Variants in KCTD16 observed in about 807,000 individuals in gnomAD.
KCTD16 encodes the protein potassium channel tetramerization domain containing 16, also known as BTB/POZ domain-containing protein KCTD16.
Under a neutral mutation model 33.2 loss-of-function variants are expected in KCTD16, and 13 were observed. The ratio of observed to expected loss-of-function variants is 0.39; its 90% CI spans 0.25 to 0.62. KCTD16 has a LOEUF of 0.62. KCTD16 is among the 20% of genes least tolerant of loss of function. The pLI is 0.50. For missense variants in KCTD16, 441 were observed against 525.1 expected, an observed-to-expected ratio of 0.84 and a Z score of 1.57; for synonymous variants, 197 against 195.3, an observed-to-expected ratio of 1.01 and a Z score of -0.07.
At chr5:144,286,233 C>T (rs1755742075) in intron 3 of KCTD16, among the ~76,000 whole-genome samples, 1 of 151,994 alleles carries the variant, frequency 6.6e-6, no homozygotes, top group Non-Finnish European at 1.5e-5. Context: ...TATCTTGTCA[C>T]CTTCTAAAAA....
At chr5:144,185,390 C>T (rs1461548075) in intron 2 of KCTD16, among the ~76,000 whole-genome samples, 2 of 152,166 alleles carry the variant, frequency 1.3e-5, no homozygotes, top group Non-Finnish European at 2.9e-5. Flanking sequence ...GATGCCAAGT[C>T]TAGGGTACAG....
chr5:144,171,851 C>G (rs896000510), intron 1 of KCTD16, among the ~76,000 whole-genome samples: 13 of 152,142 alleles, frequency 8.5e-5, no homozygotes, highest in African/African-American at 2.4e-4. Flanking sequence ...AAATTGTTTT[C>G]TTTTGAAAAT....
chr5:144,466,286 C>G (rs939538365), intron 3 of KCTD16, among the ~76,000 whole-genome samples: 5 of 145,978 alleles, frequency 3.4e-5, no homozygotes, highest in African/African-American at 1.3e-4. Flanking sequence ...ACTTCACACA[C>G]TGGTGATTGC....
chr5:144,429,475 A>G (rs73296076), intron 3 of KCTD16, among the ~76,000 whole-genome samples: 8,112 of 152,016 alleles, frequency 0.053, 749 homozygotes, highest in African/African-American at 0.18. Context: ...AAGATATAGA[A>G]TTTTCTCTGA....
In KCTD16 at chr5:144,262,336, C is replaced by G. The variant is rs1755035745; in HGVS notation, c.832+54790C>G. On this transcript the variant is annotated intron_variant, in intron 3 of 3. Transcript: ENST00000512467. ...AGGGCAAGGATAGCAGGAGATGAGG[C>G]TGCAGAGGAAGGACAAAACTTGTGG... 2.0e-5 allele frequency among the ~76,000 whole-genome samples: 3 copies of G among 152,294 alleles called. No homozygotes were observed. The South Asian group carries it at 6.2e-4, about 32-fold the overall frequency.
rs184101182 is a variant in KCTD16, at chr5:144,340,592, T to C, written c.832+133046T>C. ...GTTGAAGTCTTAACCCCTAATATGATAGTATTAGGAGGTAGGGTCTTTGGG... is the reference window on the plus strand; with the variant it reads ...GTTGAAGTCTTAACCCCTAATATGACAGTATTAGGAGGTAGGGTCTTTGGG... On this transcript the variant is annotated intron_variant, in intron 3 of 3. Transcript: ENST00000512467. Among the ~76,000 whole-genome samples the C allele has an allele frequency of 9.2e-5, 14 of 152,038 alleles. No individual in the cohort carries two copies. In the East Asian group the frequency reaches 2.7e-3, roughly 29 times the overall value.
chr5:144,190,255 C>A (rs911266695), intron 2 of KCTD16, among the ~76,000 whole-genome samples: 5 of 152,154 alleles, frequency 3.3e-5, no homozygotes, highest in Non-Finnish European at 7.3e-5. Flanking sequence ...TATCTCTGTA[C>A]CTCAACCCAG....
chr5:144,293,705 A>C (rs949165166), intron 3 of KCTD16, among the ~76,000 whole-genome samples: 3 of 152,228 alleles, frequency 2.0e-5, no homozygotes. Context: ...AACTAACCAC[A>C]AAAGCATAGT....
intron 3 of KCTD16, among the ~76,000 whole-genome samples, chr5:144,333,276 T>C (rs1463585528): frequency 6.6e-6 from 1 of 152,186 alleles, no homozygotes; most frequent in African/African-American, 2.4e-5. Context: ...TATAGCATTG[T>C]AATCACTGAA....
chr5:144,418,782 ACTGT>A (rs1182778061), intron 3 of KCTD16, among the ~76,000 whole-genome samples: 39 of 152,186 alleles, frequency 2.6e-4, no homozygotes, highest in African/African-American at 7.7e-4. Flanking sequence ...TTTCTAATAG[ACTGT>A]CTATGTGCCA....
intron 3 of KCTD16, among the ~76,000 whole-genome samples, chr5:144,397,366 T>C (rs1752596696): frequency 6.6e-6 from 1 of 152,112 alleles, no homozygotes; most frequent in Non-Finnish European, 1.5e-5. Flanking sequence ...CTATTGTGAG[T>C]AGTGCCGCAA....
At chr5:144,313,921 T>C (rs146366781) in intron 3 of KCTD16, among the ~76,000 whole-genome samples, 1 of 152,204 alleles carries the variant, frequency 6.6e-6, no homozygotes, top group South Asian at 2.1e-4. Flanking sequence ...CTGGATTTAG[T>C]ATATATTATC....
chr5:144,312,996 C>T (rs1234855087), intron 3 of KCTD16, among the ~76,000 whole-genome samples: 2 of 151,916 alleles, frequency 1.3e-5, no homozygotes, highest in Admixed American at 6.6e-5. Flanking sequence ...AGGTAGGAAA[C>T]GAAGAGTGGT....
At chr5:144,367,703 T>C (rs527666779) in intron 3 of KCTD16, among the ~76,000 whole-genome samples, 1 of 151,776 alleles carries the variant, frequency 6.6e-6, no homozygotes, top group East Asian at 1.9e-4. Context: ...TTTTTTTTCT[T>C]TTTCAACTTT....
At position 144,477,475 on chromosome 5, in the gene KCTD16, T is replaced by C. The variant is rs1171289829; in HGVS notation, c.*3361T>C. The C allele has an allele frequency of 6.6e-6, 1 of 152,138 alleles. No individual in the cohort carries two copies. Among genetic ancestry groups the C allele is most frequent in the Non-Finnish European group, 1.5e-5 (1 of 67,998 alleles). 9.4% of individuals were successfully genotyped at this position (152,138 alleles called of 1,614,324 possible). A position where few individuals can be genotyped will look rare whatever the true frequency, so the allele number is the denominator to read the frequency against. ...ACACATTTATTAAGGGATGTTGACATGGAATTTTTCTCTTTTCAATTAGCC... is the reference window on the plus strand; with the variant it reads ...ACACATTTATTAAGGGATGTTGACACGGAATTTTTCTCTTTTCAATTAGCC... On this transcript the variant is annotated 3_prime_UTR_variant, in exon 4 of 4. Transcript: ENST00000512467.
chr5:144,360,966 C>T (rs938105183), intron 3 of KCTD16, among the ~76,000 whole-genome samples: 14 of 151,296 alleles, frequency 9.3e-5, no homozygotes, highest in East Asian at 2.0e-4. Flanking sequence ...AGGTTAGTTA[C>T]GTATGTATAC....
intron 3 of KCTD16, among the ~76,000 whole-genome samples, chr5:144,399,395 C>T (rs1752651730): frequency 1.3e-5 from 2 of 151,836 alleles, no homozygotes; most frequent in South Asian, 4.2e-4. Flanking sequence ...AAAAAATAGA[C>T]AGTGATTAGG....
chr5:144,375,114 G>A (rs944289456), intron 3 of KCTD16, among the ~76,000 whole-genome samples: 3 of 152,168 alleles, frequency 2.0e-5, no homozygotes, highest in Admixed American at 1.3e-4. Context: ...CATAGGGAAG[G>A]CCTTCATTCT....
At chr5:144,415,887 G>A (rs1367997537) in intron 3 of KCTD16, among the ~76,000 whole-genome samples, 2 of 152,172 alleles carry the variant, frequency 1.3e-5, no homozygotes, top group Admixed American at 6.5e-5. Flanking sequence ...GTTATTATAT[G>A]CCTCTGACCT....
Sources: allele counts gnomAD v4.1 joint callset (sites outside exome capture counted in the v4.1 genomes callset), GRCh38; gene constraint gnomAD v4.1.1; transcripts MANE v1.5; gene names NCBI Gene and HGNC (gene_info 2026-07-23, HGNC 2026-07-21).